The following CABLES1 variants were observed in gnomAD, a reference collection of about 807,000 sequenced individuals.
The protein encoded by CABLES1 is Cdk5 and Abl enzyme substrate 1.
In CABLES1, 36 loss-of-function variants were observed where a neutral mutation model predicts 57.8. The observed-to-expected ratio is 0.62, with a 90% CI of 0.48 to 0.82. The LOEUF (loss-of-function observed/expected upper bound fraction) is 0.82, where lower values mean the gene tolerates loss of function less well. Ranked by LOEUF, CABLES1 falls within the 40% of genes least tolerant of loss-of-function variation. The pLI, the probability that CABLES1 is intolerant of heterozygous loss-of-function variation, is 0.00. For missense variants in CABLES1, 767 were observed against 836.6 expected (o/e 0.92, Z 1.03); for synonymous variants, 374 against 363.0 (o/e 1.03, Z -0.35).
chr18:23,256,110 G>T (rs953532079), intron 9 of CABLES1, among the ~76,000 whole-genome samples: 1 of 152,134 alleles, frequency 6.6e-6, no homozygotes, highest in African/African-American at 2.4e-5. Flanking sequence ...CTAACTCAAG[G>T]TCTCATCCCA....
chr18:23,237,537 A>G (rs2047633507), intron 7 of CABLES1, among the ~76,000 whole-genome samples: 1 of 152,202 alleles, frequency 6.6e-6, no homozygotes, highest in Non-Finnish European at 1.5e-5. Flanking sequence ...ATACCTCCAC[A>G]AACCCCCGTG....
chr18:23,243,098 A>G (rs1417222160), intron 7 of CABLES1, among the ~76,000 whole-genome samples: 1 of 151,450 alleles, frequency 6.6e-6, no homozygotes, highest in Non-Finnish European at 1.5e-5. Context: ...AGAACTATAT[A>G]TATATCTATT....
Position 23,136,490 on chromosome 18 carries a change from T to A in CABLES1, c.728T>A (p.Phe243Tyr). ...GSGSRGRLNS[F>Y]TQGILPIAFS... ...GGCAGTCGGGGACGCCTCAACTCGT[T>A]CACTCAGGGAATCCTGCCCATCGCC... Residue 243 changes from phenylalanine (F) to tyrosine (Y), a missense_variant, in exon 1 of 10, where the codon TTC becomes TAC. Coordinates refer to ENST00000256925, the MANE Select transcript of CABLES1 (RefSeq NM_001100619.3). The A allele has an allele frequency of 6.2e-7, 1 of 1,602,206 alleles. No individual in the cohort carries two copies.
chr18:23,179,445 T>C (rs1409905811), intron 1 of CABLES1, among the ~76,000 whole-genome samples: 1 of 152,240 alleles, frequency 6.6e-6, no homozygotes, highest in African/African-American at 2.4e-5. Context: ...GTATTCTGGA[T>C]ATGGATCTGG....
At chr18:23,159,873 TTTTC>T (rs757172125) in intron 1 of CABLES1, among the ~76,000 whole-genome samples, 3 of 149,900 alleles carry the variant, frequency 2.0e-5, no homozygotes, top group Non-Finnish European at 3.0e-5. Context: ...GATAAATTGA[TTTTC>T]TTTCTTTTTT....
chr18:23,192,647 A>G (rs2047252801), intron 2 of CABLES1, among the ~76,000 whole-genome samples: 1 of 152,210 alleles, frequency 6.6e-6, no homozygotes, highest in African/African-American at 2.4e-5. Context: ...GGGAAGTGGT[A>G]TAAGGATGCT....
At position 23,234,052 on chromosome 18, in the gene CABLES1, A is replaced by G. The variant is rs538533562; in HGVS notation, c.1089-556A>G. 1.3e-5 allele frequency among the ~76,000 whole-genome samples: 2 copies of G among 152,132 alleles called. 1 individual carries two copies. The highest frequency in any genetic ancestry group is 4.1e-4 in the South Asian group (2 of 4,820). On this transcript the variant is annotated intron_variant, in intron 4 of 9. Transcript: ENST00000256925. ...GCCAACATAGTGAAACCCCGTCTGT[A>G]CTAAAAATACAAAAAATTAGCCGGC...
chr18:23,137,342 GCTTATTGTT>G (rs1445178243), intron 1 of CABLES1, among the ~76,000 whole-genome samples: 1 of 152,202 alleles, frequency 6.6e-6, no homozygotes, highest in Non-Finnish European at 1.5e-5. Flanking sequence ...CTGGACGTTT[GCTTATTGTT>G]CAGGAAATAG....
intron 1 of CABLES1, chr18:23,149,605 T>C (rs1333146430): frequency 6.6e-6 from 1 of 152,270 alleles, no homozygotes; most frequent in Non-Finnish European, 1.5e-5. Context: ...AAAAAAAAGC[T>C]AAACTCTATC....
chr18:23,141,741 T>TG (rs2046859173), intron 1 of CABLES1, among the ~76,000 whole-genome samples: 1 of 152,198 alleles, frequency 6.6e-6, no homozygotes, highest in African/African-American at 2.4e-5. Context: ...GGCAAGTGCC[T>TG]GGGGAGGCCA....
At chr18:23,180,772 C>G (rs2047159526) in intron 1 of CABLES1, among the ~76,000 whole-genome samples, 1 of 152,044 alleles carries the variant, frequency 6.6e-6, no homozygotes, top group African/African-American at 2.4e-5. Context: ...AGATTTGTAC[C>G]CTACTTTTTA....
intron 1 of CABLES1, among the ~76,000 whole-genome samples, chr18:23,172,775 C>T (rs1341167614): frequency 1.3e-5 from 2 of 152,188 alleles, no homozygotes; most frequent in Non-Finnish European, 2.9e-5. Context: ...CCTGAACAGC[C>T]TGGTAATTAG....
intron 1 of CABLES1, among the ~76,000 whole-genome samples, chr18:23,162,659 G>A (rs79014141): frequency 9.1e-4 from 139 of 152,316 alleles, no homozygotes; most frequent in African/African-American, 3.3e-3. Flanking sequence ...GAACAAGCAG[G>A]TGAAGTCAAG....
In CABLES1 at chr18:23,258,933, G is replaced by A. The variant is rs1394194284; in HGVS notation, c.*1566G>A. The A allele has an allele frequency of 6.7e-6, 1 of 149,326 alleles. No homozygotes were observed. Among genetic ancestry groups the A allele is most frequent in the East Asian group, 2.0e-4 (1 of 4,952 alleles). The allele number at this position is 149,326 out of a possible 1,614,324, so 9.3% of individuals were successfully genotyped here. A position where few individuals can be genotyped will look rare whatever the true frequency, so the allele number is the denominator to read the frequency against. ...AGAATCTTAGATTGCACTGAGTTTA[G>A]TCCTAAATATTTTGCTAACAAATTT... On this transcript the variant is annotated 3_prime_UTR_variant, in exon 10 of 10. Coordinates refer to ENST00000256925, the MANE Select transcript of CABLES1 (RefSeq NM_001100619.3).
chr18:23,144,415 A>G (rs922343295), intron 1 of CABLES1, among the ~76,000 whole-genome samples: 13 of 152,252 alleles, frequency 8.5e-5, no homozygotes, highest in Non-Finnish European at 1.5e-4. Flanking sequence ...TTAATTTGCT[A>G]AAACAATCTG....
chr18:23,189,034 C>T (rs2047222835), intron 2 of CABLES1, 125 bp downstream of exon 2: 1 of 640,154 alleles, frequency 1.6e-6, no homozygotes, highest in Admixed American at 2.9e-5. Flanking sequence ...ACTCCAGGGA[C>T]TATGGGACAT....
intron 7 of CABLES1, 116 bp downstream of exon 7, chr18:23,237,361 G>T: frequency 1.3e-6 from 1 of 754,280 alleles, no homozygotes; most frequent in Middle Eastern, 3.2e-4. Context: ...TTCATGAGGA[G>T]CTCCCCGGTG....
Position 23,136,064 on chromosome 18 carries a change from C to T in CABLES1, c.302C>T (p.Ala101Val). The T allele has an allele frequency of 1.7e-6, 2 of 1,157,052 alleles. No individual in the cohort carries two copies. Among genetic ancestry groups the T allele is most frequent in the Non-Finnish European group, 2.1e-6 (2 of 941,502 alleles). 71.7% of individuals were successfully genotyped at this position (1,157,052 alleles called of 1,614,324 possible). The change falls in exon 1 of 10, where the codon GCC becomes GTC. Residue 101 changes from alanine to valine, a missense_variant. Physicochemically the swap from Ala to Val is moderately conservative, Grantham distance 64. This residue lies in a region of CABLES1 where 198 missense variants were observed against 149.7 expected (regional missense o/e 1.32). Transcript: ENST00000256925. ...GCGGCCAAGCCGGGCGCCGGCGGCG[C>T]CTGCGGCGCGAGGACTCGGTTCAGC... is the stretch of plus-strand genomic sequence containing the variant. ...GGAAKPGAGG[A>V]CGARTRFSLL...
chr18:23,173,696 C>T (rs947039110), intron 1 of CABLES1, among the ~76,000 whole-genome samples: 3 of 152,228 alleles, frequency 2.0e-5, no homozygotes, highest in Non-Finnish European at 4.4e-5. Context: ...GGCGCAGTGG[C>T]TCATGCCTGT....
Sources: allele counts gnomAD v4.1 joint callset (sites outside exome capture counted in the v4.1 genomes callset), GRCh38; gene constraint gnomAD v4.1.1; regional missense constraint gnomAD v4.1.1; transcripts MANE v1.5; gene names NCBI Gene and HGNC (gene_info 2026-07-23, HGNC 2026-07-21).